Variants in YEATS4 observed in about 807,000 individuals in gnomAD.
YEATS4 encodes the protein YEATS domain-containing protein 4.
A neutral mutation model predicts 30.1 loss-of-function variants in YEATS4; 17 were observed. That is an observed-to-expected ratio of 0.56 (90% CI 0.39 to 0.85). The LOEUF (loss-of-function observed/expected upper bound fraction) is 0.85, where lower values mean the gene tolerates loss of function less well. Among genes scored for constraint, YEATS4 ranks in the 40% least tolerant of loss-of-function variants. YEATS4 has a pLI of 0.00. For missense variants in YEATS4, 142 were observed against 268.3 expected, an observed-to-expected ratio of 0.53 and a Z score of 3.29; for synonymous variants, 85 against 87.5, an observed-to-expected ratio of 0.97 and a Z score of 0.16.
At chr12:69,366,295 TTA>T (rs1592849041) in intron 4 of YEATS4, among the ~76,000 whole-genome samples, 1 of 152,178 alleles carries the variant, frequency 6.6e-6, no homozygotes, top group Middle Eastern at 3.2e-3. Context: ...GCGCTTCATT[TTA>T]TATCTTATTT....
At chr12:69,409,751 CTG>C in the YEATS4 span, among the ~76,000 whole-genome samples, 3 of 152,072 alleles carry the variant, frequency 2.0e-5, no homozygotes, top group African/African-American at 4.8e-5. Flanking sequence ...CAGAAAATAA[CTG>C]TGTTTGGACA....
At chr12:69,395,392 T>C (rs1868344231), downstream of YEATS4, among the ~76,000 whole-genome samples, 1 of 152,152 alleles carries the variant, frequency 6.6e-6, no homozygotes, top group African/African-American at 2.4e-5. Flanking sequence ...TGGAATCCTC[T>C]GTGGTTGTCA....
chr12:69,394,239 C>G (rs992494489), downstream of YEATS4, among the ~76,000 whole-genome samples: 1 of 152,108 alleles, frequency 6.6e-6, no homozygotes, highest in African/African-American at 2.4e-5. Context: ...AATGGCACAA[C>G]TGCACAAATT....
the YEATS4 span, among the ~76,000 whole-genome samples, chr12:69,421,403 T>A: frequency 6.6e-6 from 1 of 152,244 alleles, no homozygotes; most frequent in Non-Finnish European, 1.5e-5. Context: ...AATGGTTTTG[T>A]ATTTGTCAGC....
At chr12:69,395,000 GAC>G (rs1592864514), downstream of YEATS4, among the ~76,000 whole-genome samples, 2 of 152,060 alleles carry the variant, frequency 1.3e-5, no homozygotes, top group East Asian at 3.8e-4. Context: ...AACAAAAAAA[GAC>G]AGTGATAGCA....
At chr12:69,424,956 G>T in the YEATS4 span, among the ~76,000 whole-genome samples, 1 of 152,090 alleles carries the variant, frequency 6.6e-6, no homozygotes, top group Non-Finnish European at 1.5e-5. Context: ...TTTTGCTCTT[G>T]TTGCCCAGGC....
chr12:69,406,579 T>C, the YEATS4 span, among the ~76,000 whole-genome samples: 1 of 149,766 alleles, frequency 6.7e-6, no homozygotes, highest in Non-Finnish European at 1.5e-5. Flanking sequence ...TTTTAAAAAT[T>C]CTGAGTAAGA....
intron 4 of YEATS4, 70 bp from the exon 5 acceptor site, chr12:69,370,636 T>G: frequency 7.8e-7 from 1 of 1,276,344 alleles, no homozygotes; most frequent in South Asian, 1.7e-5. Flanking sequence ...CTATTTCAGT[T>G]AAAAAAATGC....
At chr12:69,371,060 A>C (rs1402998337) in intron 6 of YEATS4, 85 bp downstream of exon 6, 2 of 1,334,002 alleles carry the variant, frequency 1.5e-6, no homozygotes, top group Admixed American at 2.6e-5. Flanking sequence ...TTTACACTTT[A>C]AAAAAATGAA....
intron 6 of YEATS4, among the ~76,000 whole-genome samples, chr12:69,387,111 CT>C (rs1868261526): frequency 6.6e-6 from 1 of 152,028 alleles, no homozygotes; most frequent in Non-Finnish European, 1.5e-5. Context: ...GGGGGGACTA[CT>C]GTATAAAGCT....
intron 6 of YEATS4, among the ~76,000 whole-genome samples, chr12:69,378,110 T>TTA (rs2091692580): frequency 6.6e-6 from 1 of 152,242 alleles, no homozygotes; most frequent in African/African-American, 2.4e-5. Flanking sequence ...CTGTCTCTTT[T>TTA]TATAGTTTTT....
rs1476574563 is a variant in YEATS4 at position 69,362,866 on chromosome 12, ACT to A, written c.132_133del (p.His45SerfsTer10). The A allele has an allele frequency of 1.2e-6, 2 of 1,612,438 alleles. No homozygotes were observed. The highest frequency in any genetic ancestry group is 1.7e-6 in the Non-Finnish European group (2 of 1,179,174). On this transcript the variant is annotated frameshift_variant, in exon 2 of 7. Transcript: ENST00000247843. LOFTEE classifies it high-confidence loss of function. ...AAAGAAAAGAGAAGAAGATGGGCAC[ACT>A]CATCAGTGGACAGTATATGTGAAAC... ...FGKKREEDGH[T>X]HQWTVYVKPY...
intron 6 of YEATS4, among the ~76,000 whole-genome samples, chr12:69,371,759 G>C (rs1242532333): frequency 6.6e-6 from 1 of 152,180 alleles, no homozygotes; most frequent in East Asian, 1.9e-4. Context: ...TAAATAAACA[G>C]AACAAGGAAG....
downstream of YEATS4, among the ~76,000 whole-genome samples, chr12:69,392,440 A>C (rs1268586597): frequency 6.6e-6 from 1 of 152,266 alleles, no homozygotes; most frequent in East Asian, 1.9e-4. Flanking sequence ...CAATGTTCAT[A>C]GCATCATGCA....
chr12:69,380,627 G>A (rs1876038028), intron 6 of YEATS4, among the ~76,000 whole-genome samples: 1 of 152,196 alleles, frequency 6.6e-6, no homozygotes, highest in Non-Finnish European at 1.5e-5. Context: ...GTTTGTGTGA[G>A]GCCCTAAGGC....
chr12:69,375,871 C>G (rs530633224), intron 6 of YEATS4, among the ~76,000 whole-genome samples: 1 of 150,896 alleles, frequency 6.6e-6, no homozygotes, highest in African/African-American at 2.4e-5. Flanking sequence ...AGCCTGGGCT[C>G]GGCATCAGAG....
the YEATS4 span, among the ~76,000 whole-genome samples, chr12:69,397,644 C>A: frequency 3.3e-5 from 5 of 152,186 alleles, no homozygotes; most frequent in Admixed American, 1.3e-4. Flanking sequence ...GTCCATTAAA[C>A]CTCTTTTTAT....
rs1053249814 is a variant in YEATS4, at chr12:69,390,718, C to G, written c.*402C>G. 2 of 152,852 alleles carry G rather than the reference C, an allele frequency of 1.3e-5. No homozygotes were observed. The highest frequency in any genetic ancestry group is 2.9e-5 in the Non-Finnish European group (2 of 68,428). 9.5% of individuals were successfully genotyped at this position (152,852 alleles called of 1,614,324 possible). A position where few individuals can be genotyped will look rare whatever the true frequency, so the allele number is the denominator to read the frequency against. On this transcript the variant is annotated 3_prime_UTR_variant, in exon 7 of 7. Transcript: ENST00000247843. Reference sequence around the variant, plus strand: ...ACTTAATGTGTATATTTAATTTCTTCAAGTTCTTACCTGCCCCCATCCTTT... The same window carrying G: ...ACTTAATGTGTATATTTAATTTCTTGAAGTTCTTACCTGCCCCCATCCTTT...
intron 6 of YEATS4, among the ~76,000 whole-genome samples, chr12:69,375,212 C>A: frequency 6.6e-6 from 1 of 151,700 alleles, no homozygotes; most frequent in East Asian, 2.0e-4. Context: ...AGACGCTCCT[C>A]ACCTCCCAGA....
Sources: gnomAD v4.1 joint callset for allele counts (sites outside exome capture counted in the v4.1 genomes callset) on GRCh38, gnomAD v4.1.1 for gene constraint, MANE v1.5 for transcripts, NCBI Gene and HGNC (gene_info 2026-07-23, HGNC 2026-07-21) for gene names.